The following ZNF503 variants were observed in gnomAD, a reference collection of about 807,000 sequenced individuals.
ZNF503 encodes NocA-like zinc finger 2.
ZNF503 carries 15 observed loss-of-function variants against 34.4 expected under a neutral mutation model. That is an observed-to-expected ratio of 0.44 (90% CI 0.29 to 0.67). The LOEUF (loss-of-function observed/expected upper bound fraction) is 0.67, where lower values mean the gene tolerates loss of function less well. Among genes scored for constraint, ZNF503 ranks in the 30% least tolerant of loss-of-function variants. ZNF503 has a pLI of 0.13. For missense variants in ZNF503, 1,007 were observed against 926.8 expected, an observed-to-expected ratio of 1.09 and a Z score of -1.12; for synonymous variants, 580 against 456.8, an observed-to-expected ratio of 1.27 and a Z score of -3.44.
rs780511649 is a variant in ZNF503, at chr10:75,399,154, G to A, written c.1536C>T (p.Leu512=). 3.1e-6 allele frequency: 5 copies of A among 1,613,264 alleles called. No homozygotes were observed. The highest frequency in any genetic ancestry group is 4.2e-6 in the Non-Finnish European group (5 of 1,179,534). The change falls in exon 2 of 2, where the codon CTC becomes CTT. Residue 512 remains leucine (L), a synonymous_variant. Coordinates refer to ENST00000372524, the MANE Select transcript of ZNF503 (RefSeq NM_032772.6). Reference sequence around the variant, plus strand: ...CCGACACCCAGTTGCAGATGTGGGGGAGTGGGTCGTTAGGGAGCATAAAGC... The same window carrying A: ...CCGACACCCAGTTGCAGATGTGGGGAAGTGGGTCGTTAGGGAGCATAAAGC... The part of the protein sequence containing the change: ...PYGFMLPNDP[L]PHICNWVSAN...
chr10:75,395,197 G>A (rs1307711054), downstream of ZNF503, among the ~76,000 whole-genome samples: 1 of 152,258 alleles, frequency 6.6e-6, no homozygotes, highest in Non-Finnish European at 1.5e-5. The surrounding 1 kb of genome is among the most constrained non-coding windows in gnomAD (Gnocchi z 4.4). Flanking sequence ...GAGCCTTGAG[G>A]GTGGGAGCTC....
chr10:75,360,450 G>A, the ZNF503 span, among the ~76,000 whole-genome samples: 1 of 151,978 alleles, frequency 6.6e-6, no homozygotes, highest in Non-Finnish European at 1.5e-5. Context: ...TTTCAGGTTT[G>A]CACTTGTGCG....
At chr10:75,304,109 C>T in the ZNF503 span, among the ~76,000 whole-genome samples, 8 of 152,338 alleles carry the variant, frequency 5.3e-5, no homozygotes, top group African/African-American at 1.9e-4. Flanking sequence ...GCTGGGATTA[C>T]AGGCGTGAGC....
chr10:75,322,177 T>C, the ZNF503 span, among the ~76,000 whole-genome samples: 1 of 148,292 alleles, frequency 6.7e-6, no homozygotes, highest in Non-Finnish European at 1.5e-5. Context: ...CAGGCTGGAG[T>C]GCAGTGGTCA....
the ZNF503 span, among the ~76,000 whole-genome samples, chr10:75,372,112 A>T: frequency 6.6e-6 from 1 of 152,112 alleles, no homozygotes; most frequent in South Asian, 2.1e-4. Context: ...TTGTAGTTTT[A>T]GTAGAGACAG....
At chr10:75,352,071 A>T in the ZNF503 span, among the ~76,000 whole-genome samples, 2 of 125,770 alleles carry the variant, frequency 1.6e-5, no homozygotes, top group Non-Finnish European at 3.7e-5. Flanking sequence ...TCCAATATTG[A>T]AATGCCTATG....
chr10:75,394,169 A>C (rs1205826902), downstream of ZNF503, among the ~76,000 whole-genome samples: 1 of 152,242 alleles, frequency 6.6e-6, no homozygotes, highest in Non-Finnish European at 1.5e-5. Context: ...TTTTAAGTTC[A>C]GGGGTACAAG....
At chr10:75,288,344 T>G in the ZNF503 span, 1 of 152,734 alleles carries the variant, frequency 6.5e-6, no homozygotes, top group East Asian at 1.9e-4. Flanking sequence ...AGCTGCGAGA[T>G]GATGTCGGGA....
chr10:75,287,922 C>A, the ZNF503 span, among the ~76,000 whole-genome samples: 2 of 152,202 alleles, frequency 1.3e-5, no homozygotes, highest in Non-Finnish European at 2.9e-5. Context: ...GGATAGGGTA[C>A]TGGGGTCAGT....
At chr10:75,339,066 A>C in the ZNF503 span, among the ~76,000 whole-genome samples, 18 of 152,096 alleles carry the variant, frequency 1.2e-4, no homozygotes, top group Admixed American at 1.2e-3. Flanking sequence ...CCTCGTCTCT[A>C]CTAAAATACA....
chr10:75,343,477 C>T, the ZNF503 span: 1 of 152,328 alleles, frequency 6.6e-6, no homozygotes, highest in African/African-American at 2.4e-5. Context: ...CCCGTATTTC[C>T]CATCTGTCCT....
chr10:75,341,177 GTGC>G, the ZNF503 span, among the ~76,000 whole-genome samples: 28 of 152,272 alleles, frequency 1.8e-4, no homozygotes, highest in Middle Eastern at 0.014. Context: ...ATACATAGTA[GTGC>G]TTAGAGGTAG....
the ZNF503 span, among the ~76,000 whole-genome samples, chr10:75,281,510 T>A: frequency 6.6e-6 from 1 of 152,078 alleles, no homozygotes; most frequent in Admixed American, 6.6e-5. Context: ...GAGACAGTGA[T>A]AAGAACTTCC....
the ZNF503 span, among the ~76,000 whole-genome samples, chr10:75,326,637 GTTTA>G: frequency 1.3e-5 from 2 of 150,678 alleles, no homozygotes; most frequent in Non-Finnish European, 1.5e-5. Flanking sequence ...CTTTTAAAAT[GTTTA>G]TTGTTTTATT....
the ZNF503 span, among the ~76,000 whole-genome samples, chr10:75,377,404 C>T: frequency 2.6e-5 from 4 of 152,206 alleles, no homozygotes; most frequent in African/African-American, 7.2e-5. Flanking sequence ...TCATTTCATT[C>T]GTTGGTCTAA....
At chr10:75,361,506 T>TTA in the ZNF503 span, 2 of 152,148 alleles carry the variant, frequency 1.3e-5, no homozygotes, top group African/African-American at 4.8e-5. Flanking sequence ...ATGCATTTTT[T>TTA]ATCTTAAGGG....
chr10:75,388,316 A>G, the ZNF503 span, among the ~76,000 whole-genome samples: 1 of 152,120 alleles, frequency 6.6e-6, no homozygotes, highest in Non-Finnish European at 1.5e-5. Context: ...CTGTGGTATA[A>G]ATACTCCCAC....
At chr10:75,293,866 T>C in the ZNF503 span, among the ~76,000 whole-genome samples, 1 of 152,136 alleles carries the variant, frequency 6.6e-6, no homozygotes, top group East Asian at 1.9e-4. Flanking sequence ...CATGCTGTGG[T>C]CCAGGAAAGT....
At chr10:75,385,181 A>G in the ZNF503 span, among the ~76,000 whole-genome samples, 1 of 152,126 alleles carries the variant, frequency 6.6e-6, no homozygotes, top group African/African-American at 2.4e-5. Context: ...AGAAACATGG[A>G]TAGAGGGACT....
Sources: gnomAD v4.1 joint callset for allele counts (sites outside exome capture counted in the v4.1 genomes callset) on GRCh38, gnomAD v4.1.1 for gene constraint, Gnocchi (gnomAD v3.1) non-coding constraint, MANE v1.5 for transcripts, NCBI Gene and HGNC (gene_info 2026-07-23, HGNC 2026-07-21) for gene names.